Variants in PRKG1 observed in about 807,000 individuals in gnomAD.
The protein encoded by PRKG1 is cGMP-dependent protein kinase 1.
PRKG1 carries 35 observed loss-of-function variants against 88.1 expected under a neutral mutation model. The observed-to-expected ratio is 0.40, with a 90% CI of 0.30 to 0.53. The LOEUF (loss-of-function observed/expected upper bound fraction) is 0.53. Ranked by LOEUF, PRKG1 falls within the 20% of genes least tolerant of loss-of-function variation. The probability of loss-of-function intolerance (pLI) is 0.59; values close to 1 mark genes in which losing one functional copy is unlikely to be tolerated. For synonymous variants in PRKG1, 303 were observed against 292.5 expected (o/e 1.04, Z -0.37); for missense variants, 540 against 839.8 (o/e 0.64, Z 4.41).
At chr10:51,723,034 G>A (rs949363193) in intron 3 of PRKG1, among the ~76,000 whole-genome samples, 2 of 152,032 alleles carry the variant, frequency 1.3e-5, no homozygotes, top group Non-Finnish European at 2.9e-5. Flanking sequence ...TCAGGTTTTG[G>A]CTCTTTTATC....
intron 1 of PRKG1, among the ~76,000 whole-genome samples, chr10:51,143,247 C>G (rs1177825299): frequency 6.6e-6 from 1 of 151,956 alleles, no homozygotes; most frequent in Non-Finnish European, 1.5e-5. Context: ...TCTTTTTGTG[C>G]TTGGCTTGTT....
intron 1 of PRKG1, among the ~76,000 whole-genome samples, chr10:51,126,322 T>C (rs1473117928): frequency 7.7e-6 from 1 of 130,048 alleles, no homozygotes; most frequent in Non-Finnish European, 1.5e-5. Context: ...ATTATTTATG[T>C]TTTTATATTT....
chr10:52,260,248 A>G (rs138088624), intron 10 of PRKG1, among the ~76,000 whole-genome samples: 18 of 152,252 alleles, frequency 1.2e-4, no homozygotes, highest in African/African-American at 4.3e-4. Context: ...TTGTAACATC[A>G]GAAGGACAAA....
chr10:51,813,349 C>T (rs1386823905), intron 4 of PRKG1, among the ~76,000 whole-genome samples: 1 of 152,114 alleles, frequency 6.6e-6, no homozygotes, highest in Non-Finnish European at 1.5e-5. Context: ...TTTGCACCAA[C>T]CTAATATAAT....
intron 1 of PRKG1, among the ~76,000 whole-genome samples, chr10:51,061,501 G>C (rs1428393037): frequency 6.6e-6 from 1 of 152,064 alleles, no homozygotes; most frequent in Non-Finnish European, 1.5e-5. Context: ...GAAATCTGTG[G>C]CATGATAGTT....
chr10:52,080,552 C>T (rs946674905), intron 7 of PRKG1, among the ~76,000 whole-genome samples: 37 of 152,110 alleles, frequency 2.4e-4, no homozygotes, highest in Non-Finnish European at 4.7e-4. Context: ...CAAACTGAGA[C>T]TTAGTACATA....
At chr10:51,198,890 C>T (rs1299147139) in intron 2 of PRKG1, among the ~76,000 whole-genome samples, 1 of 152,314 alleles carries the variant, frequency 6.6e-6, no homozygotes. Flanking sequence ...CATGATCTTC[C>T]TCTTGCAAAT....
intron 2 of PRKG1, among the ~76,000 whole-genome samples, chr10:51,261,772 G>A (rs1839712230): frequency 6.6e-6 from 1 of 152,018 alleles, no homozygotes; most frequent in Non-Finnish European, 1.5e-5. Context: ...GTGACTGAAG[G>A]TGGGGATTGT....
chr10:52,120,822 G>T (rs1029038478), intron 7 of PRKG1, among the ~76,000 whole-genome samples: 1 of 151,954 alleles, frequency 6.6e-6, no homozygotes, highest in African/African-American at 2.4e-5. Context: ...CGGTTATGGC[G>T]TCACAGATGC....
chr10:51,954,184 G>C (rs1843249576), intron 5 of PRKG1, among the ~76,000 whole-genome samples: 1 of 152,060 alleles, frequency 6.6e-6, no homozygotes, highest in Non-Finnish European at 1.5e-5. Context: ...CAAATTTTTA[G>C]AAAATGTTTT....
chr10:52,164,662 A>G (rs555766587), intron 9 of PRKG1, among the ~76,000 whole-genome samples: 1 of 152,332 alleles, frequency 6.6e-6, no homozygotes, highest in East Asian at 1.9e-4. Flanking sequence ...TGAAATGACT[A>G]CTTACATCAA....
At chr10:51,499,315 G>A (rs1840955017) in intron 3 of PRKG1, among the ~76,000 whole-genome samples, 1 of 152,180 alleles carries the variant, frequency 6.6e-6, no homozygotes, top group South Asian at 2.1e-4. Flanking sequence ...CATAGGATGT[G>A]TCAGGATTAA....
At chr10:52,180,291 T>G (rs2132726309) in intron 9 of PRKG1, among the ~76,000 whole-genome samples, 1 of 152,366 alleles carries the variant, frequency 6.6e-6, no homozygotes, top group East Asian at 1.9e-4. Flanking sequence ...CTTTGTTGAA[T>G]TTCTCATTCA....
At chr10:51,291,620 T>G (rs10490972) in intron 2 of PRKG1, among the ~76,000 whole-genome samples, 11,551 of 152,134 alleles carry the variant, frequency 0.076, 1,440 homozygotes, top group African/African-American at 0.26. Flanking sequence ...CCCTGAAAAC[T>G]GACCCACCTA....
intron 4 of PRKG1, among the ~76,000 whole-genome samples, chr10:51,905,750 A>T (rs1842073295): frequency 6.6e-6 from 1 of 152,200 alleles, no homozygotes; most frequent in African/African-American, 2.4e-5. Flanking sequence ...TTGTATTTTG[A>T]TGTATTGGAG....
chr10:52,177,870 A>T (rs568046806), intron 9 of PRKG1, among the ~76,000 whole-genome samples: 1 of 143,656 alleles, frequency 7.0e-6, no homozygotes, highest in Non-Finnish European at 1.5e-5. Flanking sequence ...TATTTCATTT[A>T]TTTGGTTCTT....
intron 5 of PRKG1, among the ~76,000 whole-genome samples, chr10:51,932,922 G>C (rs1842725308): frequency 6.6e-6 from 1 of 152,090 alleles, no homozygotes; most frequent in Non-Finnish European, 1.5e-5. Context: ...TTTATAATCA[G>C]TCCCTAAAGT....
intron 7 of PRKG1, among the ~76,000 whole-genome samples, chr10:52,087,775 GTC>G (rs1196439226): frequency 2.0e-5 from 3 of 152,112 alleles, no homozygotes; most frequent in Non-Finnish European, 4.4e-5. Context: ...TGGTAGGAGT[GTC>G]TGAGAAATTG....
intron 9 of PRKG1, among the ~76,000 whole-genome samples, chr10:52,172,719 G>T (rs1350814813): frequency 6.6e-6 from 1 of 152,188 alleles, no homozygotes; most frequent in Non-Finnish European, 1.5e-5. Flanking sequence ...TTGCAAGTAA[G>T]GTTGAGCAAC....
Sources: allele counts gnomAD v4.1 joint callset (sites outside exome capture counted in the v4.1 genomes callset), GRCh38; gene constraint gnomAD v4.1.1; transcripts MANE v1.5; gene names NCBI Gene and HGNC (gene_info 2026-07-23, HGNC 2026-07-21).